Variants in VRK2 observed in about 807,000 individuals in gnomAD.
VRK2 encodes the protein VRK serine/threonine kinase 2, also known as serine/threonine-protein kinase VRK2.
VRK2 carries 60 observed loss-of-function variants against 57.6 expected under a neutral mutation model. The ratio of observed to expected loss-of-function variants is 1.04; its 90% CI spans 0.85 to 1.29. The LOEUF (loss-of-function observed/expected upper bound fraction) is 1.29. Among genes scored for constraint, VRK2 ranks in the 50% most tolerant of loss-of-function variants. The pLI, the probability that VRK2 is intolerant of heterozygous loss-of-function variation, is 0.00. For synonymous variants in VRK2, 231 were observed against 199.2 expected (o/e 1.16, Z -1.35); for missense variants, 705 against 588.1 (o/e 1.20, Z -2.06).
intron 1 of VRK2, among the ~76,000 whole-genome samples, chr2:57,984,226 T>C (rs990832001): frequency 6.6e-6 from 1 of 152,092 alleles, no homozygotes; most frequent in Middle Eastern, 3.2e-3. Context: ...TCCATATGAA[T>C]AGTTTTTTTA....
chr2:58,096,936 A>C (rs1440477060), intron 7 of VRK2, among the ~76,000 whole-genome samples: 3 of 151,948 alleles, frequency 2.0e-5, no homozygotes, highest in Non-Finnish European at 4.4e-5. Context: ...AAAGTAGTTC[A>C]GTAGGAAATT....
At chr2:58,152,642 A>C (rs1683242737) in intron 12 of VRK2, among the ~76,000 whole-genome samples, 2 of 151,898 alleles carry the variant, frequency 1.3e-5, no homozygotes, top group Admixed American at 6.6e-5. Flanking sequence ...TATTTCCTGG[A>C]ATCTAATTCT....
intron 7 of VRK2, among the ~76,000 whole-genome samples, chr2:58,117,923 G>A (rs1321563261): frequency 6.6e-6 from 1 of 152,104 alleles, no homozygotes; most frequent in African/African-American, 2.4e-5. Context: ...AGAAGGGGTA[G>A]GGGTTCCTTG....
At chr2:57,946,375 G>C (rs1042607449) in intron 1 of VRK2, among the ~76,000 whole-genome samples, 1 of 151,792 alleles carries the variant, frequency 6.6e-6, no homozygotes, top group Non-Finnish European at 1.5e-5. Flanking sequence ...ACAAGCATTT[G>C]TAACAATTGC....
chr2:57,971,690 T>C (rs2104022363), intron 1 of VRK2, among the ~76,000 whole-genome samples: 1 of 152,014 alleles, frequency 6.6e-6, no homozygotes, highest in East Asian at 1.9e-4. Context: ...TTATAATTAA[T>C]GCCTATATCC....
At chr2:58,084,580 G>A (rs1306490089) in intron 3 of VRK2, among the ~76,000 whole-genome samples, 1 of 151,850 alleles carries the variant, frequency 6.6e-6, no homozygotes, top group African/African-American at 2.4e-5. Flanking sequence ...AGTGAGTGTT[G>A]TATATGTTTA....
At chr2:57,921,951 A>C (rs1280710159) in intron 1 of VRK2, among the ~76,000 whole-genome samples, 4 of 151,988 alleles carry the variant, frequency 2.6e-5, no homozygotes, top group African/African-American at 9.7e-5. Context: ...TACAATCCAA[A>C]TCCTTTTGAG....
chr2:57,943,679 C>T (rs1671167222), intron 1 of VRK2, among the ~76,000 whole-genome samples: 1 of 152,170 alleles, frequency 6.6e-6, no homozygotes, highest in South Asian at 2.1e-4. Context: ...CACCAGACAA[C>T]AAAAGGGAAG....
chr2:58,089,853 C>A (rs1432249712), intron 7 of VRK2, 130 bp downstream of exon 7: 1 of 623,350 alleles, frequency 1.6e-6, no homozygotes, highest in Non-Finnish European at 2.9e-6. Context: ...ATTTATCTTA[C>A]CTGCTTATCT....
At position 57,986,711 on chromosome 2, in the gene VRK2, G is replaced by A. The variant is rs184328153; in HGVS notation, c.-438-38954G>A. 5.2e-3 allele frequency among the ~76,000 whole-genome samples: 761 copies of A among 146,118 alleles called. 8 individuals carry two copies. The highest frequency in any genetic ancestry group is 0.018 in the African/African-American group (707 of 39,508). ...CCTCCCAGGTTCAAGCAATTCTCCC[G>A]CCTCAGCCTCCCAAGCAGCTGGGAT... On this transcript the variant is annotated intron_variant, in intron 1 of 15. Coordinates refer to the VRK2 transcript ENST00000417641.
chr2:58,159,314 TAAC>T (rs759231330), intron 12 of VRK2, 32 bp from the exon 13 acceptor site: 2 of 1,506,606 alleles, frequency 1.3e-6, no homozygotes, highest in Admixed American at 4.2e-5. Flanking sequence ...AACTCACGTC[TAAC>T]AAACTAAACT....
intron 1 of VRK2, among the ~76,000 whole-genome samples, chr2:58,021,711 A>T (rs1673761575): frequency 6.6e-6 from 1 of 151,486 alleles, no homozygotes; most frequent in Non-Finnish European, 1.5e-5. Context: ...CATTTTCTTT[A>T]TTTTTCTGTT....
intron 1 of VRK2, among the ~76,000 whole-genome samples, chr2:57,914,557 C>T (rs543716476): frequency 2.0e-5 from 3 of 152,120 alleles, no homozygotes; most frequent in Admixed American, 2.0e-4. Flanking sequence ...CTAGTATCAT[C>T]CTGGTGCCTC....
intron 2 of VRK2, among the ~76,000 whole-genome samples, chr2:58,030,872 C>G (rs1310772042): frequency 1.3e-5 from 2 of 152,020 alleles, no homozygotes; most frequent in Non-Finnish European, 2.9e-5. Flanking sequence ...AACACTCATG[C>G]TTTATGCCCT....
At chr2:57,985,643 C>A (rs924375857) in intron 1 of VRK2, among the ~76,000 whole-genome samples, 2 of 151,938 alleles carry the variant, frequency 1.3e-5, no homozygotes, top group Non-Finnish European at 2.9e-5. Context: ...AGATCAGAAC[C>A]AAAATAAGGA....
At chr2:58,039,242 C>G (rs1190672473) in intron 3 of VRK2, among the ~76,000 whole-genome samples, 6 of 152,146 alleles carry the variant, frequency 3.9e-5, no homozygotes, top group Non-Finnish European at 8.8e-5. Context: ...TCTCCTGCAG[C>G]CAAAGATAAC....
chr2:58,044,554 T>C (rs1426270958), upstream of VRK2, among the ~76,000 whole-genome samples: 1 of 152,176 alleles, frequency 6.6e-6, no homozygotes, highest in African/African-American at 2.4e-5. Flanking sequence ...GTATAATATA[T>C]TGCTGTATAG....
At chr2:58,013,195 G>C (rs1159224982) in intron 1 of VRK2, among the ~76,000 whole-genome samples, 2 of 152,114 alleles carry the variant, frequency 1.3e-5, no homozygotes, top group East Asian at 3.8e-4. Context: ...CATGAAAATA[G>C]GTATAGCGTA....
intron 1 of VRK2, among the ~76,000 whole-genome samples, chr2:58,048,026 A>G (rs1572840064): frequency 6.6e-6 from 1 of 152,334 alleles, no homozygotes; most frequent in South Asian, 2.1e-4. Context: ...GTATGCTGGC[A>G]TATGTATTTT....
Sources: gnomAD v4.1 joint callset for allele counts (sites outside exome capture counted in the v4.1 genomes callset) on GRCh38, gnomAD v4.1.1 for gene constraint, MANE v1.5 for transcripts, NCBI Gene and HGNC (gene_info 2026-07-23, HGNC 2026-07-21) for gene names.